Variants in NCAPH2 observed in about 807,000 individuals in gnomAD.
The protein encoded by NCAPH2 is condensin-2 complex subunit H2.
NCAPH2 carries 56 observed loss-of-function variants against 88.6 expected under a neutral mutation model. The observed-to-expected ratio is 0.63, with a 90% CI of 0.51 to 0.79. The LOEUF is 0.79. Ranked by LOEUF, NCAPH2 falls within the 30% of genes least tolerant of loss-of-function variation. NCAPH2 has a pLI of 0.00. For missense variants in NCAPH2, 794 were observed against 792.0 expected (o/e 1.00, Z -0.03); for synonymous variants, 378 against 313.6 (o/e 1.21, Z -2.17).
At position 50,523,670 on chromosome 22, in the gene NCAPH2, C is replaced by T. The variant is rs769321318; in HGVS notation, c.*295C>T. ...CGCCGCACACTGTCTGAGATCTGCT[C>T]AGCCGATCTGCTCCGGCCGTAGTAA... is the stretch of plus-strand genomic sequence containing the variant. On this transcript the variant is annotated 3_prime_UTR_variant, in exon 20 of 20. Transcript: ENST00000420993. 1.2e-6 allele frequency: 2 copies of T among 1,614,068 alleles called. No homozygotes were observed. The highest frequency in any genetic ancestry group is 8.5e-7 in the Non-Finnish European group (1 of 1,180,026).
At chr22:50,519,631 C>G in intron 9 of NCAPH2, 1 of 1,196,602 alleles carries the variant, frequency 8.4e-7, no homozygotes, top group Non-Finnish European at 1.0e-6. Context: ...TCTCTGCAGT[C>G]GGGCTGGTAG....
intron 9 of NCAPH2, 111 bp from the exon 10 acceptor site, chr22:50,520,854 C>T (rs1276537891): frequency 2.1e-5 from 26 of 1,263,334 alleles, no homozygotes; most frequent in Middle Eastern, 3.8e-4. Context: ...TGAGCCACCA[C>T]GCCCGACCCT....
At chr22:50,521,903 GC>G (rs2069112217) in intron 12 of NCAPH2, 55 bp downstream of exon 12, 2 of 1,613,090 alleles carry the variant, frequency 1.2e-6, no homozygotes, top group Non-Finnish European at 8.5e-7. Flanking sequence ...CTGGGCCAGG[GC>G]CAGTGGAGGA....
intron 8 of NCAPH2, 79 bp from the exon 9 acceptor site, chr22:50,519,111 A>G: frequency 7.4e-7 from 1 of 1,343,730 alleles, no homozygotes; most frequent in Non-Finnish European, 1.0e-6. Flanking sequence ...CTGAGGGAGG[A>G]AGTAGCCATC....
At chr22:50,511,494 T>C (rs2068781712) in intron 1 of NCAPH2, among the ~76,000 whole-genome samples, 1 of 141,674 alleles carries the variant, frequency 7.1e-6, no homozygotes. Context: ...GGTTTCACCG[T>C]GTTAGCCAGG....
chr22:50,514,254 A>G (rs756103738), intron 1 of NCAPH2, among the ~76,000 whole-genome samples: 2 of 151,850 alleles, frequency 1.3e-5, no homozygotes, highest in Admixed American at 6.6e-5. Context: ...CACTGTTAGG[A>G]AAAACCCAAA....
intron 1 of NCAPH2, 35 bp downstream of exon 1, chr22:50,508,480 G>A: frequency 4.1e-6 from 5 of 1,209,864 alleles, no homozygotes; most frequent in Non-Finnish European, 4.3e-6. Context: ...GGGGTGGGCC[G>A]GCGGGTGGGG....
Position 50,523,772 on chromosome 22 carries a change from T to C in NCAPH2, c.*397T>C, listed in dbSNP as rs1426186979. The C allele has an allele frequency of 1.2e-6, 2 of 1,614,160 alleles. No individual in the cohort carries two copies. The highest frequency in any genetic ancestry group is 8.5e-7 in the Non-Finnish European group (1 of 1,180,016). The stretch of plus-strand genomic sequence containing the variant: ...ACGATGTAGTCCTGGTCCTCATCCT[T>C]GGGGCCTGCATTGTAGTACACGCGG... On this transcript the variant is annotated 3_prime_UTR_variant, in exon 20 of 20. Transcript: ENST00000420993.
chr22:50,524,523 C>T lies in NCAPH2; in HGVS notation c.*1148C>T. On this transcript the variant is annotated 3_prime_UTR_variant, in exon 20 of 20. Transcript: ENST00000420993. ...AGACCAGCCACCCATCTGAAGGACC[C>T]AGCCCACGTTCAGGCTTAACAGGCA... 9.2e-7 allele frequency: 1 copy of T among 1,090,390 alleles called. No homozygotes were observed. Among genetic ancestry groups the T allele is most frequent in the Non-Finnish European group, 1.4e-6 (1 of 724,518 alleles). 67.5% of individuals were successfully genotyped at this position (1,090,390 alleles called of 1,614,324 possible).
Position 50,522,993 on chromosome 22 carries a change from C to T in NCAPH2, c.1528-24C>T, listed in dbSNP as rs556687673. 6.8e-5 allele frequency: 110 copies of T among 1,606,028 alleles called. 2 individuals are homozygous for T. The South Asian group carries it at 1.1e-3, about 16-fold the overall frequency. On this transcript the variant is annotated intron_variant, in intron 18 of 19. Transcript: ENST00000420993. ...TCCAGGGCCTTGCCTCTCTCCGCAG[C>T]CAACATGCCCCTCCCCTGTGCAGGA...
intron 2 of NCAPH2, 92 bp downstream of exon 2, chr22:50,516,640 T>A: frequency 9.0e-7 from 1 of 1,106,844 alleles, no homozygotes; most frequent in South Asian, 1.3e-5. Context: ...GGTCGTCCCG[T>A]CTGTGACCTA....
intron 1 of NCAPH2, among the ~76,000 whole-genome samples, chr22:50,511,495 G>C (rs1228109479): frequency 2.8e-5 from 4 of 142,234 alleles, no homozygotes; most frequent in African/African-American, 6.1e-5. Flanking sequence ...GTTTCACCGT[G>C]TTAGCCAGGA....
intron 2 of NCAPH2, 139 bp downstream of exon 2, chr22:50,516,687 C>T (rs2068934249): frequency 1.5e-6 from 1 of 670,282 alleles, no homozygotes; most frequent in Non-Finnish European, 2.6e-6. Context: ...AATTCCTCAG[C>T]ACCTTCCAAC....
At position 50,517,780 on chromosome 22, in the gene NCAPH2, G is replaced by A. The variant is rs1053586949; in HGVS notation, c.391G>A (p.Val131Met). The change falls in exon 5 of 20, where the codon GTG becomes ATG. Residue 131 changes from valine (V) to methionine (M), a missense_variant. This residue lies in a region of NCAPH2 where 735 missense variants were observed against 696.3 expected (regional missense o/e 1.06). Transcript: ENST00000420993. ...LDDFPDSRTN[V>M]DLKNDQTPSE... ...TGACTTCCCTGACTCCCGGACTAAC[G>A]TGGATCTCAAGAATGATCAGACGCC... The A allele has an allele frequency of 6.2e-6, 10 of 1,613,824 alleles. No individual in the cohort carries two copies. Among genetic ancestry groups the A allele is most frequent in the Middle Eastern group, 1.6e-4 (1 of 6,084 alleles).
chr22:50,517,499 C>G lies in NCAPH2; in HGVS notation c.266+17C>G. 6.2e-7 allele frequency: 1 copy of G among 1,614,018 alleles called. No individual in the cohort carries two copies. Among genetic ancestry groups the G allele is most frequent in the Non-Finnish European group, 8.5e-7 (1 of 1,179,966 alleles). On this transcript the variant is annotated intron_variant, in intron 3 of 19. Coordinates refer to ENST00000420993, the MANE Select transcript of NCAPH2 (RefSeq NM_152299.4). Reference sequence around the variant, plus strand: ...TGGAAAGAGGTGAGTTCTGCAGCCACTCACTGTGCTGCCCTGCATGTGGCC... The same window carrying G: ...TGGAAAGAGGTGAGTTCTGCAGCCAGTCACTGTGCTGCCCTGCATGTGGCC...
In NCAPH2 at chr22:50,510,992, A is replaced by C. The variant is rs892494011; in HGVS notation, c.108+2547A>C. Among the ~76,000 whole-genome samples, 625 of 150,648 alleles carry C rather than the reference A, an allele frequency of 4.1e-3. 8 individuals carry two copies. The highest frequency in any genetic ancestry group is 0.015 in the African/African-American group (599 of 40,782). On this transcript the variant is annotated intron_variant, in intron 1 of 19. Coordinates refer to ENST00000420993, the MANE Select transcript of NCAPH2 (RefSeq NM_152299.4). ...TTCCCGAGTAGCTGGGACTACAGGC[A>C]CCTGCCACCACACCCGGCTAATGTT...
chr22:50,510,699 G>A (rs757575460), intron 1 of NCAPH2, among the ~76,000 whole-genome samples: 1 of 152,126 alleles, frequency 6.6e-6, no homozygotes. Flanking sequence ...CAAAGTGCTG[G>A]GATTACAGAC....
intron 1 of NCAPH2, among the ~76,000 whole-genome samples, chr22:50,510,758 T>C (rs746448894): frequency 2.0e-5 from 3 of 152,120 alleles, no homozygotes; most frequent in Non-Finnish European, 4.4e-5. Context: ...CTTAAGGTCT[T>C]AGTGTAAATG....
At chr22:50,511,513 G>A (rs2068782334) in intron 1 of NCAPH2, among the ~76,000 whole-genome samples, 1 of 141,900 alleles carries the variant, frequency 7.0e-6, no homozygotes. Flanking sequence ...GGATGGTCTC[G>A]ATCTCCTGAC....
Sources: allele counts gnomAD v4.1 joint callset (sites outside exome capture counted in the v4.1 genomes callset), GRCh38; gene constraint gnomAD v4.1.1; regional missense constraint gnomAD v4.1.1; transcripts MANE v1.5; gene names NCBI Gene and HGNC (gene_info 2026-07-23, HGNC 2026-07-21).